The following NFKB1 variants were observed in gnomAD, a reference collection of about 807,000 sequenced individuals.
The protein encoded by NFKB1 is nuclear factor NF-kappa-B p105 subunit.
A neutral mutation model predicts 105.1 loss-of-function variants in NFKB1; 9 were observed. The ratio of observed to expected loss-of-function variants is 0.09; its 90% CI spans 0.05 to 0.15. The LOEUF (loss-of-function observed/expected upper bound fraction) is 0.15, where lower values mean the gene tolerates loss of function less well. Ranked by LOEUF, NFKB1 falls within the 10% of genes least tolerant of loss-of-function variation. The pLI is 1.00. For missense variants in NFKB1, 830 were observed against 1,203.7 expected (o/e 0.69, Z 4.59); for synonymous variants, 440 against 442.2 (o/e 1.00, Z 0.06).
rs565518748 is a variant in NFKB1, at chr4:102,545,366, A to G, written c.258+7410A>G. Among the ~76,000 whole-genome samples, 8 of 152,188 alleles carry G rather than the reference A, an allele frequency of 5.3e-5. No homozygotes were observed. In the East Asian group the frequency reaches 7.7e-4, roughly 15 times the overall value. On this transcript the variant is annotated intron_variant, in intron 5 of 23. Coordinates refer to ENST00000226574, the MANE Select transcript of NFKB1 (RefSeq NM_003998.4). ...GCTTTTTGCCTTTAGGTCCCCTTCT[A>G]CCCAACAGAATGATTATAATAATGG... is the stretch of plus-strand genomic sequence containing the variant.
intron 8 of NFKB1, among the ~76,000 whole-genome samples, chr4:102,580,101 AG>A (rs1725206646): frequency 6.6e-6 from 1 of 152,244 alleles, no homozygotes; most frequent in Admixed American, 6.5e-5. Context: ...AATAAAAGGT[AG>A]TAAGTAGTTT....
intron 5 of NFKB1, among the ~76,000 whole-genome samples, chr4:102,541,936 A>G (rs1471257793): frequency 1.3e-5 from 2 of 152,160 alleles, no homozygotes. Context: ...GGAAACGCTG[A>G]TAGTTCAGTG....
intron 1 of NFKB1, among the ~76,000 whole-genome samples, chr4:102,510,108 T>C (rs542465330): frequency 6.6e-6 from 1 of 152,210 alleles, no homozygotes; most frequent in African/African-American, 2.4e-5. Flanking sequence ...CTAGCCATCC[T>C]GCTAACTTCT....
chr4:102,516,176 A>ATT (rs1222588561), intron 1 of NFKB1, among the ~76,000 whole-genome samples: 1 of 147,950 alleles, frequency 6.8e-6, no homozygotes, highest in African/African-American at 2.5e-5. Context: ...CTATTTTGGG[A>ATT]TTTTTTTTTT....
intron 5 of NFKB1, among the ~76,000 whole-genome samples, chr4:102,542,694 TTTACTAAC>T (rs1742085190): frequency 6.6e-6 from 1 of 152,226 alleles, no homozygotes; most frequent in African/African-American, 2.4e-5. Context: ...AAAGTTAATT[TTTACTAAC>T]TTCAACCCAA....
chr4:102,584,655 C>T, intron 10 of NFKB1, 27 bp from the exon 11 acceptor site: 2 of 1,562,036 alleles, frequency 1.3e-6, no homozygotes, highest in South Asian at 1.2e-5. Flanking sequence ...AGTCCTACAC[C>T]AACATGTGGT....
chr4:102,554,292 GTAAA>G (rs1253655748), intron 5 of NFKB1, among the ~76,000 whole-genome samples: 2 of 152,128 alleles, frequency 1.3e-5, no homozygotes, highest in Non-Finnish European at 2.9e-5. Context: ...GGCTAGGCCT[GTAAA>G]TAAATAAATA....
At chr4:102,545,207 G>T (rs747789324) in intron 5 of NFKB1, among the ~76,000 whole-genome samples, 1 of 152,226 alleles carries the variant, frequency 6.6e-6, no homozygotes, top group Admixed American at 6.5e-5. Context: ...TGAAGCTGGA[G>T]GCTACCCTGC....
chr4:102,529,302 A>G (rs1408266697), intron 2 of NFKB1, among the ~76,000 whole-genome samples: 4 of 152,138 alleles, frequency 2.6e-5, no homozygotes, highest in Non-Finnish European at 4.4e-5. Flanking sequence ...TACTCCTTGT[A>G]CTGTCAGTTA....
intron 15 of NFKB1, among the ~76,000 whole-genome samples, chr4:102,599,439 G>T (rs556132886): frequency 3.3e-5 from 5 of 152,162 alleles, no homozygotes; most frequent in Non-Finnish European, 5.9e-5. Context: ...GAGTAAAGTG[G>T]CACCTGATAG....
At chr4:102,587,673 C>T (rs1725825133) in intron 11 of NFKB1, among the ~76,000 whole-genome samples, 1 of 152,036 alleles carries the variant, frequency 6.6e-6, no homozygotes, top group Non-Finnish European at 1.5e-5. Flanking sequence ...TGAAAAGCTT[C>T]ATACAATACA....
intron 2 of NFKB1, among the ~76,000 whole-genome samples, chr4:102,526,068 G>A (rs1740893109): frequency 2.0e-5 from 3 of 152,092 alleles, no homozygotes; most frequent in Admixed American, 2.0e-4. Flanking sequence ...TCTCTACTGT[G>A]TCTCTAAACC....
chr4:102,526,876 T>C (rs1234081860), intron 2 of NFKB1, among the ~76,000 whole-genome samples: 1 of 152,146 alleles, frequency 6.6e-6, no homozygotes, highest in Non-Finnish European at 1.5e-5. Flanking sequence ...CAAATCTACA[T>C]TGGTTCTTAA....
chr4:102,589,580 A>C (rs901761083), intron 11 of NFKB1, among the ~76,000 whole-genome samples: 7 of 152,066 alleles, frequency 4.6e-5, no homozygotes, highest in Non-Finnish European at 8.8e-5. Flanking sequence ...CTGCAGTTAG[A>C]TGATCATGAG....
intron 19 of NFKB1, 28 bp downstream of exon 19, chr4:102,607,779 T>A: frequency 6.2e-7 from 1 of 1,603,088 alleles, no homozygotes; most frequent in Non-Finnish European, 8.5e-7. Context: ...CGGTCATTAA[T>A]GAAAAATGTT....
chr4:102,551,367 T>TGTGTGTATGCGCGC (rs370790173), intron 5 of NFKB1, among the ~76,000 whole-genome samples: 2 of 150,094 alleles, frequency 1.3e-5, no homozygotes, highest in South Asian at 2.1e-4. Flanking sequence ...TGTGTGTGTG[T>TGTGTGTATGCGCGC]GCGCGCGCGC....
intron 1 of NFKB1, among the ~76,000 whole-genome samples, chr4:102,519,762 A>C (rs1203059622): frequency 1.3e-5 from 2 of 152,222 alleles, no homozygotes; most frequent in African/African-American, 4.8e-5. Flanking sequence ...CTGTGGGGTC[A>C]GATTAGCTAG....
chr4:102,546,226 A>G (rs1160020225), intron 5 of NFKB1, among the ~76,000 whole-genome samples: 2 of 152,124 alleles, frequency 1.3e-5, no homozygotes, highest in Non-Finnish European at 2.9e-5. Flanking sequence ...TTATTCATCC[A>G]TGACTTAAAG....
intron 5 of NFKB1, among the ~76,000 whole-genome samples, chr4:102,540,253 G>A (rs1422787040): frequency 1.3e-5 from 2 of 152,042 alleles, no homozygotes; most frequent in East Asian, 3.9e-4. Flanking sequence ...CAAACACATG[G>A]CATTAACTTT....
Sources: allele counts gnomAD v4.1 joint callset (sites outside exome capture counted in the v4.1 genomes callset), GRCh38; gene constraint gnomAD v4.1.1; transcripts MANE v1.5; gene names NCBI Gene and HGNC (gene_info 2026-07-23, HGNC 2026-07-21).